TMTC1: variants seen among roughly 807,000 people sequenced by gnomAD.
TMTC1 encodes the protein protein O-mannosyl-transferase TMTC1.
A neutral mutation model predicts 104.8 loss-of-function variants in TMTC1; 73 were observed. That is an observed-to-expected ratio of 0.70 (90% CI 0.58 to 0.85). The LOEUF (loss-of-function observed/expected upper bound fraction) is 0.85. Ranked by LOEUF, TMTC1 falls within the 40% of genes least tolerant of loss-of-function variation. The probability of loss-of-function intolerance (pLI) is 0.00; values close to 1 mark genes in which losing one functional copy is unlikely to be tolerated. For missense variants in TMTC1, 1,035 were observed against 1,096.1 expected, an observed-to-expected ratio of 0.94 and a Z score of 0.79; for synonymous variants, 434 against 428.7, an observed-to-expected ratio of 1.01 and a Z score of -0.15.
At chr12:29,525,783 T>C (rs1944327009) in intron 11 of TMTC1, among the ~76,000 whole-genome samples, 1 of 152,230 alleles carries the variant, frequency 6.6e-6, no homozygotes, top group Non-Finnish European at 1.5e-5. Flanking sequence ...CTGTATCCAC[T>C]GTAATACTTT....
chr12:29,685,862 A>G (rs1001284854), intron 5 of TMTC1, among the ~76,000 whole-genome samples: 57 of 152,024 alleles, frequency 3.7e-4, no homozygotes, highest in Non-Finnish European at 7.4e-4. Flanking sequence ...TATAGAAAGT[A>G]AACAAACTAC....
chr12:29,777,915 T>C (rs975028076), intron 1 of TMTC1, among the ~76,000 whole-genome samples: 4 of 152,146 alleles, frequency 2.6e-5, no homozygotes, highest in South Asian at 2.1e-4. Flanking sequence ...TGAAAAGGAA[T>C]AGAAACAAAA....
intron 6 of TMTC1, among the ~76,000 whole-genome samples, chr12:29,616,851 T>C (rs970146306): frequency 1.3e-5 from 2 of 152,088 alleles, no homozygotes; most frequent in Non-Finnish European, 2.9e-5. Flanking sequence ...CTTCTTGGCA[T>C]CGTTAAACCA....
chr12:29,634,392 T>G (rs917677515), intron 5 of TMTC1, among the ~76,000 whole-genome samples: 4 of 152,170 alleles, frequency 2.6e-5, no homozygotes, highest in Admixed American at 2.6e-4. Context: ...TGTCAGCCAG[T>G]GGGCACAGTC....
Position 29,506,993 on chromosome 12 carries a change from G to T in TMTC1, c.2509-7C>A. 5 of 1,612,014 alleles carry T rather than the reference G, an allele frequency of 3.1e-6. No homozygotes were observed. Among genetic ancestry groups the T allele is most frequent in the South Asian group, 2.2e-5 (2 of 91,034 alleles). On this transcript the variant is annotated splice_region_variant and splice_polypyrimidine_tract_variant and intron_variant, in intron 17 of 17. Coordinates refer to ENST00000539277, the MANE Select transcript of TMTC1 (RefSeq NM_001193451.2). Reference sequence around the variant, plus strand: ...TTGCAGACACATATTTTCCCTGGGGGTGGGAAAGAGGGAGCAATTACATTC... The same window carrying T: ...TTGCAGACACATATTTTCCCTGGGGTTGGGAAAGAGGGAGCAATTACATTC...
At chr12:29,722,253 T>C (rs949269162) in intron 5 of TMTC1, among the ~76,000 whole-genome samples, 12 of 152,208 alleles carry the variant, frequency 7.9e-5, no homozygotes, top group South Asian at 2.1e-4. Context: ...AGAAAATACA[T>C]GAAACTTTTA....
rs143971702 is a variant in TMTC1 at position 29,555,849 on chromosome 12, A to T, written c.1676+1008T>A. Among the ~76,000 whole-genome samples the T allele has an allele frequency of 1.4e-3, 208 of 152,212 alleles. 1 individual carries two copies. The highest frequency in any genetic ancestry group is 4.7e-3 in the African/African-American group (197 of 41,514). ...CTTTGGGTATATACCCAGTAATGGG[A>T]TTGCTGGGTCAAATGGTATTTCTGG... On this transcript the variant is annotated intron_variant, in intron 10 of 17. Coordinates refer to ENST00000539277, the MANE Select transcript of TMTC1 (RefSeq NM_001193451.2).
At chr12:29,640,482 A>T (rs1390327248) in intron 5 of TMTC1, 1 of 152,230 alleles carries the variant, frequency 6.6e-6, no homozygotes, top group African/African-American at 2.4e-5. Context: ...TGGGAAAGGG[A>T]GACCCTCCTC....
At chr12:29,564,211 G>A (rs1486433580) in intron 9 of TMTC1, among the ~76,000 whole-genome samples, 1 of 152,162 alleles carries the variant, frequency 6.6e-6, no homozygotes, top group Non-Finnish European at 1.5e-5. Flanking sequence ...AGGTGCAGAG[G>A]GCAATTTGTG....
chr12:29,560,995 A>G (rs1945363081), intron 9 of TMTC1, among the ~76,000 whole-genome samples: 1 of 152,168 alleles, frequency 6.6e-6, no homozygotes, highest in Admixed American at 6.5e-5. Flanking sequence ...TTACCCTTCA[A>G]AACTGCTTAA....
At chr12:29,610,143 C>A (rs949236872) in intron 6 of TMTC1, among the ~76,000 whole-genome samples, 6 of 152,224 alleles carry the variant, frequency 3.9e-5, no homozygotes, top group Non-Finnish European at 7.3e-5. Flanking sequence ...TGCCAGGAAT[C>A]TGATGGATTG....
At chr12:29,775,605 C>T (rs897868285) in intron 1 of TMTC1, among the ~76,000 whole-genome samples, 3 of 152,268 alleles carry the variant, frequency 2.0e-5, no homozygotes, top group South Asian at 2.1e-4. Context: ...CTTCACCCTC[C>T]TAGCACATCA....
At chr12:29,759,469 C>G (rs1943294197) in intron 2 of TMTC1, among the ~76,000 whole-genome samples, 1 of 152,124 alleles carries the variant, frequency 6.6e-6, no homozygotes, top group African/African-American at 2.4e-5. Flanking sequence ...TGCACTCAGC[C>G]TGGGTGACAG....
chr12:29,741,692 T>G (rs1336606444), intron 5 of TMTC1, among the ~76,000 whole-genome samples: 1 of 152,196 alleles, frequency 6.6e-6, no homozygotes, highest in African/African-American at 2.4e-5. Flanking sequence ...TCAGTGACTT[T>G]CCATTGTTCA....
intron 6 of TMTC1, chr12:29,613,981 A>G (rs985633594): frequency 9.5e-6 from 9 of 944,600 alleles, no homozygotes; most frequent in Non-Finnish European, 1.1e-5. Context: ...ATAATCTAAA[A>G]TTAATAAGGA....
intron 5 of TMTC1, among the ~76,000 whole-genome samples, chr12:29,644,260 G>A (rs895068129): frequency 6.7e-6 from 1 of 150,342 alleles, no homozygotes; most frequent in African/African-American, 2.5e-5. Context: ...AGTAACTCGG[G>A]AATGGAAAAC....
chr12:29,736,769 C>A (rs1363152265), intron 5 of TMTC1, among the ~76,000 whole-genome samples: 1 of 152,232 alleles, frequency 6.6e-6, no homozygotes, highest in Non-Finnish European at 1.5e-5. Flanking sequence ...CTCACTAGTG[C>A]GCCACCATGA....
intron 6 of TMTC1, among the ~76,000 whole-genome samples, 156 bp downstream of exon 6, chr12:29,632,991 G>C (rs145233783): frequency 1.1e-4 from 17 of 152,116 alleles, no homozygotes; most frequent in African/African-American, 4.1e-4. Flanking sequence ...AAATCTATAA[G>C]GTGGCCATGG....
intron 6 of TMTC1, among the ~76,000 whole-genome samples, chr12:29,623,825 A>AT (rs1555177660): frequency 8.7e-5 from 13 of 148,930 alleles, no homozygotes; most frequent in Middle Eastern, 3.4e-3. Context: ...AAATAAATAA[A>AT]TAAATTAAAT....
Sources: gnomAD v4.1 joint callset for allele counts (sites outside exome capture counted in the v4.1 genomes callset) on GRCh38, gnomAD v4.1.1 for gene constraint, MANE v1.5 for transcripts, NCBI Gene and HGNC (gene_info 2026-07-23, HGNC 2026-07-21) for gene names.